TRIO: variants seen among roughly 807,000 people sequenced by gnomAD.
The protein encoded by TRIO is trio Rho guanine nucleotide exchange factor, also known as triple functional domain protein.
Under a neutral mutation model 351.9 loss-of-function variants are expected in TRIO, and 58 were observed. The observed-to-expected ratio is 0.16, with a 90% CI of 0.13 to 0.21. The LOEUF is 0.21. TRIO is among the 10% of genes least tolerant of loss of function. The probability of loss-of-function intolerance (pLI) is 1.00; values close to 1 mark genes in which losing one functional copy is unlikely to be tolerated. For missense variants in TRIO, 3,201 were observed against 4,027.8 expected (o/e 0.79, Z 5.56); for synonymous variants, 1,758 against 1,595.7 (o/e 1.10, Z -2.42).
intron 9 of TRIO, among the ~76,000 whole-genome samples, chr5:14,321,712 C>A (rs1220743533): frequency 6.6e-6 from 1 of 152,160 alleles, no homozygotes; most frequent in Non-Finnish European, 1.5e-5. Context: ...GTGACCCCAC[C>A]CAAATCTCAT....
chr5:14,486,244 G>A (rs535421702), intron 47 of TRIO, among the ~76,000 whole-genome samples: 282 of 152,238 alleles, frequency 1.9e-3, no homozygotes, highest in Non-Finnish European at 3.3e-3. Flanking sequence ...TCGTATTCAC[G>A]GTCTGCATCT....
At chr5:14,429,456 G>A (rs1750916030) in intron 34 of TRIO, among the ~76,000 whole-genome samples, 1 of 152,184 alleles carries the variant, frequency 6.6e-6, no homozygotes. Flanking sequence ...AATGCAAAGA[G>A]AAGGGAAAAT....
At chr5:14,382,828 G>C (rs186741937) in intron 21 of TRIO, among the ~76,000 whole-genome samples, 1 of 150,176 alleles carries the variant, frequency 6.7e-6, no homozygotes, top group Non-Finnish European at 1.5e-5. Flanking sequence ...CACATTATAT[G>C]ATCTGTATTT....
At chr5:14,287,835 C>T (rs144791849) in intron 4 of TRIO, among the ~76,000 whole-genome samples, 251 of 152,304 alleles carry the variant, frequency 1.6e-3, no homozygotes, top group African/African-American at 5.4e-3. Context: ...AGATTGCTTC[C>T]TCTGGCAAAT....
At chr5:14,426,098 T>G (rs1750617850) in intron 34 of TRIO, among the ~76,000 whole-genome samples, 1 of 152,214 alleles carries the variant, frequency 6.6e-6, no homozygotes, top group Non-Finnish European at 1.5e-5. Flanking sequence ...CCCTTTTTCG[T>G]TTCACCTAAA....
intron 2 of TRIO, among the ~76,000 whole-genome samples, chr5:14,278,303 T>C (rs1357433102): frequency 6.6e-6 from 1 of 152,180 alleles, no homozygotes; most frequent in Non-Finnish European, 1.5e-5. Flanking sequence ...CCATGCAACT[T>C]TCTTAGATTG....
intron 9 of TRIO, among the ~76,000 whole-genome samples, chr5:14,319,242 T>G (rs1160790818): frequency 6.6e-6 from 1 of 152,226 alleles, no homozygotes; most frequent in African/African-American, 2.4e-5. Flanking sequence ...TAGATATTGC[T>G]CATTAAGGTA....
intron 7 of TRIO, among the ~76,000 whole-genome samples, chr5:14,298,625 A>T (rs1049306848): frequency 1.3e-5 from 2 of 152,232 alleles, no homozygotes; most frequent in African/African-American, 4.8e-5. Context: ...TTGGCAGGGC[A>T]GTCAGAATGT....
At chr5:14,230,765 A>AGAT (rs1793370614) in intron 1 of TRIO, among the ~76,000 whole-genome samples, 1 of 152,004 alleles carries the variant, frequency 6.6e-6, no homozygotes, top group South Asian at 2.1e-4. Context: ...GATATTGGTG[A>AGAT]GTCTTAATCG....
At position 14,453,445 on chromosome 5, in the gene TRIO, A is replaced by G. The variant is rs1455087129; in HGVS notation, c.5204-7574A>G. ...TACAAATCTAATTGTGATGAAACCTAATTCTCATTTTCTGGGTACTCACAG... is the reference window on the plus strand; with the variant it reads ...TACAAATCTAATTGTGATGAAACCTGATTCTCATTTTCTGGGTACTCACAG... On this transcript the variant is annotated intron_variant, in intron 34 of 56. Coordinates refer to ENST00000344204, the MANE Select transcript of TRIO (RefSeq NM_007118.4). Among the ~76,000 whole-genome samples, 3 of 152,198 alleles carry G rather than the reference A, an allele frequency of 2.0e-5. No individual in the cohort carries two copies. In the East Asian group the frequency reaches 5.8e-4, roughly 29 times the overall value.
intron 34 of TRIO, among the ~76,000 whole-genome samples, chr5:14,424,245 C>T (rs946453709): frequency 3.3e-5 from 5 of 151,934 alleles, no homozygotes; most frequent in East Asian, 1.9e-4. Flanking sequence ...GAGCAAAGGC[C>T]GATTCAAAAC....
At chr5:14,240,086 A>C (rs17301011) in intron 1 of TRIO, among the ~76,000 whole-genome samples, 1 of 152,166 alleles carries the variant, frequency 6.6e-6, no homozygotes, top group African/African-American at 2.4e-5. Flanking sequence ...TTGCAACCTC[A>C]GTTTCTGATT....
intron 11 of TRIO, among the ~76,000 whole-genome samples, chr5:14,356,078 T>C (rs1396125973): frequency 1.3e-5 from 2 of 152,234 alleles, no homozygotes; most frequent in African/African-American, 4.8e-5. Context: ...GTAAAATTAA[T>C]TCTTAGGACC....
rs1485291553 is a variant in TRIO at position 14,394,070 on chromosome 5, C to A, written c.4251C>A (p.Ser1417=). The A allele has an allele frequency of 6.2e-7, 1 of 1,613,304 alleles. No homozygotes were observed. Among genetic ancestry groups the A allele is most frequent in the African/African-American group, 1.3e-5 (1 of 74,996 alleles). ...AGCAGCGACATGGATTAGCCAATTC[C>A]ATTTCTTCCTACCTTATTAAACCAG... is the stretch of plus-strand genomic sequence containing the variant. ...EIQQRHGLAN[S]ISSYLIKPVQ... is the part of the protein sequence containing the mutation. Residue 1417 remains serine (S), a synonymous_variant, in exon 28 of 57, where the codon TCC becomes TCA. Transcript: ENST00000344204.
intron 48 of TRIO, chr5:14,489,196 C>T (rs1031521571): frequency 1.7e-6 from 1 of 583,804 alleles, no homozygotes; most frequent in Non-Finnish European, 3.0e-6. Flanking sequence ...GCATGTCTTT[C>T]TCTTTCCTCT....
chr5:14,416,595 C>T (rs1749663895), intron 33 of TRIO, among the ~76,000 whole-genome samples: 1 of 152,156 alleles, frequency 6.6e-6, no homozygotes. Flanking sequence ...GATTCTTTGG[C>T]AGAACATCCT....
At position 14,461,107 on chromosome 5, in the gene TRIO, G is replaced by A. The variant is rs1438295540; in HGVS notation, c.5292G>A (p.Pro1764=). ...QPHMIGAQSS[P]GPKRPGNTLR... ...ACATGATCGGGGCCCAGAGCTCGCC[G>A]GGCCCCAAGCGGCCGGGCAACACCC... is the stretch of plus-strand genomic sequence containing the variant. The change falls in exon 35 of 57, where the codon CCG becomes CCA. Residue 1764 remains proline (P), a synonymous_variant. Transcript: ENST00000344204. 17 of 1,562,966 alleles carry A rather than the reference G, an allele frequency of 1.1e-5. No homozygotes were observed. The highest frequency in any genetic ancestry group is 4.1e-5 in the African/African-American group (3 of 73,416).
chr5:14,465,179 G>C (rs1428652384), intron 36 of TRIO, among the ~76,000 whole-genome samples: 1 of 151,870 alleles, frequency 6.6e-6, no homozygotes, highest in Non-Finnish European at 1.5e-5. Flanking sequence ...TCTGCTGTAG[G>C]TCAGATTCTC....
chr5:14,302,547 TACTC>T (rs1737991048), intron 7 of TRIO, among the ~76,000 whole-genome samples: 1 of 152,184 alleles, frequency 6.6e-6, no homozygotes, highest in African/African-American at 2.4e-5. Context: ...ACCCAAGAAA[TACTC>T]AGTTGACACT....
Sources: gnomAD v4.1 joint callset for allele counts (sites outside exome capture counted in the v4.1 genomes callset) on GRCh38, gnomAD v4.1.1 for gene constraint, MANE v1.5 for transcripts, NCBI Gene and HGNC (gene_info 2026-07-23, HGNC 2026-07-21) for gene names.